Variants in ZNF644 observed in about 807,000 individuals in gnomAD.
The protein encoded by ZNF644 is zinc finger protein 644, also known as zinc finger motif enhancer binding protein 2.
In ZNF644, 20 loss-of-function variants were observed where a neutral mutation model predicts 108.0. The observed-to-expected ratio is 0.19, with a 90% CI of 0.13 to 0.27. ZNF644 has a LOEUF of 0.27. ZNF644 is among the 10% of genes least tolerant of loss of function. The pLI, the probability that ZNF644 is intolerant of heterozygous loss-of-function variation, is 1.00. For synonymous variants in ZNF644, 542 were observed against 539.1 expected (o/e 1.01, Z -0.08); for missense variants, 1,338 against 1,548.9 (o/e 0.86, Z 2.29).
At position 90,918,121 on chromosome 1, in the gene ZNF644, C is replaced by A; in HGVS notation, c.3722G>T (p.Arg1241Ile). The A allele has an allele frequency of 6.2e-7, 1 of 1,614,074 alleles. No homozygotes were observed. Among genetic ancestry groups the A allele is most frequent in the East Asian group, 2.2e-5 (1 of 44,852 alleles). Residue 1241 changes from arginine (R) to isoleucine (I), a missense_variant, in exon 5 of 6, where the codon AGA (arginine) becomes ATA (isoleucine). Arg to Ile is a moderately conservative substitution (Grantham distance 97). This residue lies in a region of ZNF644 where 287 missense variants were observed against 310.9 expected (regional missense o/e 0.92). Coordinates refer to ENST00000337393, the MANE Select transcript of ZNF644 (RefSeq NM_201269.3). ...TAGCATTTTCTTCTTGCTTCCAGAT[C>A]TTGACCTTGATTTCTTTTGCTTACA... ...LDCKQKKSRSRSGSKKKMLTL... is the reference protein window; with the variant it reads ...LDCKQKKSRSISGSKKKMLTL...
chr1:90,929,780 A>G (rs745963595), intron 4 of ZNF644, among the ~76,000 whole-genome samples: 3 of 152,208 alleles, frequency 2.0e-5, no homozygotes, highest in Non-Finnish European at 2.9e-5. Flanking sequence ...GTGGCCAATT[A>G]TATCATTAAA....
intron 4 of ZNF644, among the ~76,000 whole-genome samples, chr1:90,928,374 A>G (rs1431399760): frequency 7.1e-6 from 1 of 140,778 alleles, no homozygotes; most frequent in Non-Finnish European, 1.5e-5. Context: ...CTGGAATGCA[A>G]TGGCACAATC....
intron 1 of ZNF644, among the ~76,000 whole-genome samples, chr1:90,999,751 TAA>T (rs1658565105): frequency 6.6e-6 from 1 of 152,190 alleles, no homozygotes; most frequent in African/African-American, 2.4e-5. Context: ...GCAAATTGGA[TAA>T]AGAGTCAAGA....
chr1:90,992,313 C>A (rs1657715730), intron 1 of ZNF644, among the ~76,000 whole-genome samples: 1 of 149,774 alleles, frequency 6.7e-6, no homozygotes, highest in Admixed American at 6.7e-5. Flanking sequence ...GTTAAAAATT[C>A]ACAGTATACA....
Position 90,939,551 on chromosome 1 carries a change from T to C in ZNF644, c.1803A>G (p.Leu601=), listed in dbSNP as rs147800687. The C allele has an allele frequency of 6.8e-6, 11 of 1,613,932 alleles. No individual in the cohort carries two copies. The highest frequency in any genetic ancestry group is 1.3e-5 in the African/African-American group (1 of 74,946). The stretch of plus-strand genomic sequence containing the variant: ...AATGCAAGTACTCCGTGTGCTTTTT[T>C]AAAACACTTTTGGCTGAAGTAGTAA... The part of the protein sequence containing the change: ...CPFTTSAKSV[L]KKHTEYLHSS... Residue 601 remains leucine, a synonymous_variant, in exon 3 of 6, where the codon TTA becomes TTG. Transcript: ENST00000337393.
chr1:91,017,697 C>T (rs1166202879), intron 1 of ZNF644, among the ~76,000 whole-genome samples: 1 of 152,218 alleles, frequency 6.6e-6, no homozygotes, highest in Non-Finnish European at 1.5e-5. Context: ...TGCGGTGGCT[C>T]ACGCCTGTAA....
At chr1:90,954,985 G>A (rs1339408593) in intron 2 of ZNF644, among the ~76,000 whole-genome samples, 5 of 152,186 alleles carry the variant, frequency 3.3e-5, no homozygotes, top group African/African-American at 9.7e-5. Flanking sequence ...CTTATGAAAT[G>A]TACTTAGTGA....
In ZNF644 at chr1:90,940,254, G is replaced by A. The variant is rs771221567; in HGVS notation, c.1100C>T (p.Pro367Leu). The A allele has an allele frequency of 2.2e-5, 36 of 1,613,776 alleles. No homozygotes were observed. In the East Asian group the frequency reaches 7.1e-4, roughly 32 times the overall value. The change falls in exon 3 of 6, where the codon CCA becomes CTA. Residue 367 changes from proline to leucine, a missense_variant. Physicochemically the swap from Pro to Leu is moderately conservative, Grantham distance 98 (BLOSUM62 -3). This residue lies in a region of ZNF644 where 464 missense variants were observed against 457.9 expected (regional missense o/e 1.01). Transcript: ENST00000337393. ...TGAACTCTCTTCTCCACACTTATCT[G>A]GGTTATAAATTAGATGTTGGAAGGC... ...VDAFQHLIYN[P>L]DKCGEESSPV...
intron 2 of ZNF644, among the ~76,000 whole-genome samples, chr1:90,962,019 A>G (rs967695203): frequency 6.6e-6 from 1 of 152,140 alleles, no homozygotes; most frequent in African/African-American, 2.4e-5. Flanking sequence ...CATATAAATA[A>G]AAGTTATTTT....
intron 1 of ZNF644, among the ~76,000 whole-genome samples, chr1:91,003,798 G>C (rs1659135386): frequency 6.6e-6 from 1 of 151,850 alleles, no homozygotes; most frequent in Non-Finnish European, 1.5e-5. Context: ...GACTAAACAA[G>C]ACAATGTTTT....
chr1:90,982,346 G>T lies in ZNF644; in HGVS notation c.8C>A (p.Ser3Ter). ...CTTATTAACATCTTGCTGCAAGAAC[G>T]ATCTCATCCAAAATTAAATCAAACC... MR[S>*]FLQQDVNKTK... The change falls in exon 2 of 6, where the codon TCG becomes TAG. Residue 3 changes from serine (S) to a stop codon, truncating the protein, a stop_gained. Coordinates refer to ENST00000337393, the MANE Select transcript of ZNF644 (RefSeq NM_201269.3). LOFTEE classifies it high-confidence loss of function. 7 of 1,610,592 alleles carry T rather than the reference G, an allele frequency of 4.3e-6. No individual in the cohort carries two copies. The highest frequency in any genetic ancestry group is 5.9e-6 in the Non-Finnish European group (7 of 1,179,102).
chr1:90,987,034 AG>A (rs1156801647), intron 1 of ZNF644, among the ~76,000 whole-genome samples: 1 of 151,064 alleles, frequency 6.6e-6, no homozygotes, highest in Non-Finnish European at 1.5e-5. Flanking sequence ...ACTAAGAGAG[AG>A]GTTTATGGTA....
chr1:91,006,930 T>C (rs1237839730), intron 1 of ZNF644, among the ~76,000 whole-genome samples: 2 of 152,168 alleles, frequency 1.3e-5, no homozygotes, highest in East Asian at 1.9e-4. Flanking sequence ...ACTTGATAGC[T>C]TGGTAAGGTA....
At chr1:91,003,656 A>G (rs937658652) in intron 1 of ZNF644, among the ~76,000 whole-genome samples, 6 of 152,078 alleles carry the variant, frequency 3.9e-5, no homozygotes, top group African/African-American at 1.4e-4. Context: ...CATTGTGCAC[A>G]TGTACCCTAG....
At chr1:90,941,661 A>T (rs1030272951) in intron 2 of ZNF644, among the ~76,000 whole-genome samples, 2 of 152,190 alleles carry the variant, frequency 1.3e-5, no homozygotes, top group Non-Finnish European at 2.9e-5. Context: ...AGACTGAAAA[A>T]ATTTTAAACC....
chr1:90,958,577 T>C (rs1364296552), intron 2 of ZNF644, among the ~76,000 whole-genome samples: 1 of 151,830 alleles, frequency 6.6e-6, no homozygotes, highest in East Asian at 1.9e-4. Context: ...GAACACTGAT[T>C]ACAAAACTAT....
At chr1:91,008,808 AT>A (rs756167838) in intron 1 of ZNF644, among the ~76,000 whole-genome samples, 4 of 152,250 alleles carry the variant, frequency 2.6e-5, no homozygotes, top group Non-Finnish European at 5.9e-5. Context: ...TTAAATGGTA[AT>A]AATCGCACAG....
chr1:91,013,112 C>T (rs560958975), intron 1 of ZNF644, among the ~76,000 whole-genome samples: 66 of 152,114 alleles, frequency 4.3e-4, no homozygotes, highest in African/African-American at 1.6e-3. Context: ...CTCACTCTGT[C>T]GCCCAGGTGG....
intron 1 of ZNF644, among the ~76,000 whole-genome samples, chr1:90,989,988 G>A (rs924299666): frequency 6.6e-6 from 1 of 150,600 alleles, no homozygotes; most frequent in Non-Finnish European, 1.5e-5. Context: ...CCTTAAAACA[G>A]AAGGAAATTG....
Sources: gnomAD v4.1 joint callset for allele counts (sites outside exome capture counted in the v4.1 genomes callset) on GRCh38, gnomAD v4.1.1 for gene constraint, gnomAD v4.1.1 regional missense constraint, MANE v1.5 for transcripts, NCBI Gene and HGNC (gene_info 2026-07-23, HGNC 2026-07-21) for gene names.